LDB2: variants seen among roughly 807,000 people sequenced by gnomAD.
The protein encoded by LDB2 is LIM domain-binding protein 2.
LDB2 carries 12 observed loss-of-function variants against 44.3 expected under a neutral mutation model. That is an observed-to-expected ratio of 0.27 (90% CI 0.17 to 0.44). The LOEUF is 0.44. LDB2 is among the 20% of genes least tolerant of loss of function. The pLI, the probability that LDB2 is intolerant of heterozygous loss-of-function variation, is 1.00. For missense variants in LDB2, 344 were observed against 473.5 expected (o/e 0.73, Z 2.54); for synonymous variants, 164 against 174.8 (o/e 0.94, Z 0.49).
intron 1 of LDB2, among the ~76,000 whole-genome samples, chr4:16,805,398 A>G (rs2109792782): frequency 6.6e-6 from 1 of 152,346 alleles, no homozygotes; most frequent in South Asian, 2.1e-4. Context: ...AATTCTACCT[A>G]ATAGGCTTCA....
intron 2 of LDB2, among the ~76,000 whole-genome samples, chr4:16,665,262 T>TC (rs397710063): frequency 1.7e-5 from 2 of 116,184 alleles, no homozygotes; most frequent in African/African-American, 6.6e-5. Flanking sequence ...TCTTTTTTTT[T>TC]CATTTCTTTT....
At chr4:16,685,898 A>G (rs1300786703) in intron 2 of LDB2, among the ~76,000 whole-genome samples, 2 of 152,076 alleles carry the variant, frequency 1.3e-5, no homozygotes, top group African/African-American at 4.8e-5. Context: ...AAAATCCAAA[A>G]AAAAGTAGTT....
intron 2 of LDB2, among the ~76,000 whole-genome samples, chr4:16,605,522 G>A (rs548718978): frequency 9.2e-5 from 14 of 152,216 alleles, no homozygotes; most frequent in East Asian, 1.9e-4. Context: ...TCACTAGCTC[G>A]TCACAATAAA....
intron 5 of LDB2, among the ~76,000 whole-genome samples, chr4:16,560,324 A>T (rs1056587643): frequency 6.6e-6 from 1 of 152,146 alleles, no homozygotes; most frequent in Non-Finnish European, 1.5e-5. Flanking sequence ...TGCTAGCAAG[A>T]CTAATAAAGA....
At chr4:16,522,350 A>G (rs1472229249) in intron 5 of LDB2, among the ~76,000 whole-genome samples, 2 of 151,972 alleles carry the variant, frequency 1.3e-5, no homozygotes, top group African/African-American at 4.8e-5. Context: ...TGTGGATTCA[A>G]CCAACCACAG....
chr4:16,843,129 A>G (rs989799469), intron 1 of LDB2, among the ~76,000 whole-genome samples: 2 of 152,220 alleles, frequency 1.3e-5, no homozygotes, highest in African/African-American at 4.8e-5. Context: ...TTTACTTAAT[A>G]CAGCATAAAC....
At chr4:16,892,204 T>C (rs146521613) in intron 1 of LDB2, among the ~76,000 whole-genome samples, 2,100 of 152,308 alleles carry the variant, frequency 0.014, 22 homozygotes, top group Middle Eastern at 0.051. Context: ...ATCATGGCTC[T>C]CTATTGTAAG....
chr4:16,527,032 A>C (rs990362994), intron 5 of LDB2, among the ~76,000 whole-genome samples: 3 of 152,328 alleles, frequency 2.0e-5, no homozygotes, highest in South Asian at 2.1e-4. Context: ...ATAAACAATA[A>C]CTTATTAAAG....
intron 2 of LDB2, among the ~76,000 whole-genome samples, chr4:16,742,507 C>A (rs113684437): frequency 6.6e-6 from 1 of 152,150 alleles, no homozygotes; most frequent in Non-Finnish European, 1.5e-5. Flanking sequence ...AGGCATTTTA[C>A]AAGACACAGA....
intron 2 of LDB2, among the ~76,000 whole-genome samples, chr4:16,635,142 G>C (rs779129706): frequency 1.3e-5 from 2 of 152,092 alleles, no homozygotes; most frequent in Non-Finnish European, 2.9e-5. Context: ...GGCCTGTCAG[G>C]GGGTGGGGAG....
At chr4:16,767,269 T>A (rs538822939) in intron 1 of LDB2, among the ~76,000 whole-genome samples, 90 of 152,146 alleles carry the variant, frequency 5.9e-4, no homozygotes, top group South Asian at 2.1e-3. Flanking sequence ...AAAAATGGAG[T>A]AACACTACTA....
At position 16,764,013 on chromosome 4, in the gene LDB2, T is replaced by TCTAAAATTC. The variant is rs556058005; in HGVS notation, c.133-4762_133-4754dup. Among the ~76,000 whole-genome samples, 217 of 152,214 alleles carry TCTAAAATTC rather than the reference T, an allele frequency of 1.4e-3. 1 individual carries two copies. Among genetic ancestry groups the TCTAAAATTC allele is most frequent in the Non-Finnish European group, 2.6e-3 (175 of 68,006 alleles). On this transcript the variant is annotated intron_variant, in intron 1 of 7. Coordinates refer to ENST00000304523, the MANE Select transcript of LDB2 (RefSeq NM_001290.5). ...TAACCCTTAAGATATTCATAGAGAA[T>TCTAAAATTC]CTAAAATTCAAAAAAGGTAAGCTAC...
chr4:16,612,690 C>T (rs1022247495), intron 2 of LDB2, among the ~76,000 whole-genome samples: 33 of 152,172 alleles, frequency 2.2e-4, no homozygotes, highest in African/African-American at 6.8e-4. Flanking sequence ...ATAACAAGCT[C>T]TGAAATTTAG....
At chr4:16,761,053 A>C (rs1260700037) in intron 1 of LDB2, among the ~76,000 whole-genome samples, 1 of 151,376 alleles carries the variant, frequency 6.6e-6, no homozygotes, top group African/African-American at 2.4e-5. Flanking sequence ...TCTTGTACAC[A>C]GGGGCTTTGT....
chr4:16,664,589 GT>G (rs1742494507), intron 2 of LDB2, among the ~76,000 whole-genome samples: 1 of 152,150 alleles, frequency 6.6e-6, no homozygotes, highest in East Asian at 1.9e-4. Flanking sequence ...GAGTCTGCTT[GT>G]TTTTAAATCA....
intron 2 of LDB2, among the ~76,000 whole-genome samples, chr4:16,654,616 C>A (rs2152530087): frequency 6.6e-6 from 1 of 152,252 alleles, no homozygotes; most frequent in Admixed American, 6.5e-5. Flanking sequence ...ATTTAGCCAA[C>A]CAAAGTTTAA....
chr4:16,832,095 A>G (rs191469818), intron 1 of LDB2, among the ~76,000 whole-genome samples: 83 of 152,366 alleles, frequency 5.4e-4, no homozygotes, highest in Non-Finnish European at 1.3e-4. Context: ...GTATTCTGTT[A>G]CAGCTGAACA....
chr4:16,834,500 C>T (rs563247464), intron 1 of LDB2, among the ~76,000 whole-genome samples: 14 of 152,234 alleles, frequency 9.2e-5, no homozygotes, highest in East Asian at 1.9e-4. Flanking sequence ...TTCACCCCTA[C>T]GAGCACGTGA....
chr4:16,848,707 T>TATCCAC (rs1787584992), intron 1 of LDB2, among the ~76,000 whole-genome samples: 1 of 152,160 alleles, frequency 6.6e-6, no homozygotes, highest in Non-Finnish European at 1.5e-5. Context: ...ATAATAGCAA[T>TATCCAC]ATCCACATAC....
Sources: allele counts gnomAD v4.1 joint callset (sites outside exome capture counted in the v4.1 genomes callset), GRCh38; gene constraint gnomAD v4.1.1; transcripts MANE v1.5; gene names NCBI Gene and HGNC (gene_info 2026-07-23, HGNC 2026-07-21).